PIGK: variants seen among roughly 807,000 people sequenced by gnomAD.
PIGK encodes GPI-anchor transamidase.
PIGK carries 42 observed loss-of-function variants against 50.6 expected under a neutral mutation model. The observed-to-expected ratio is 0.83, with a 90% CI of 0.65 to 1.07. The LOEUF is 1.07. Among genes scored for constraint, PIGK ranks in the 50% least tolerant of loss-of-function variants. The pLI, the probability that PIGK is intolerant of heterozygous loss-of-function variation, is 0.00. For missense variants in PIGK, 448 were observed against 488.7 expected, an observed-to-expected ratio of 0.92 and a Z score of 0.78; for synonymous variants, 151 against 156.0, an observed-to-expected ratio of 0.97 and a Z score of 0.24.
intron 1 of PIGK, among the ~76,000 whole-genome samples, chr1:77,211,003 A>T (rs977851016): frequency 6.6e-6 from 1 of 152,060 alleles, no homozygotes; most frequent in Non-Finnish European, 1.5e-5. Flanking sequence ...AAGAACGTAC[A>T]ATCTGCTTGT....
intron 10 of PIGK, among the ~76,000 whole-genome samples, chr1:77,105,317 C>T (rs1653643440): frequency 6.6e-6 from 1 of 151,862 alleles, no homozygotes; most frequent in South Asian, 2.1e-4. Flanking sequence ...GAAAAGGCAA[C>T]ATTCGATTGG....
intron 8 of PIGK, among the ~76,000 whole-genome samples, chr1:77,155,847 C>T (rs1035937268): frequency 6.6e-6 from 1 of 152,068 alleles, no homozygotes; most frequent in African/African-American, 2.4e-5. Flanking sequence ...AAGGGTAGAG[C>T]GGCTACAATT....
At chr1:77,122,997 T>C (rs977064924) in intron 9 of PIGK, among the ~76,000 whole-genome samples, 3 of 152,178 alleles carry the variant, frequency 2.0e-5, no homozygotes, top group African/African-American at 7.2e-5. Flanking sequence ...GTTTATTGAC[T>C]GAATAATAAA....
At chr1:77,135,571 T>C (rs958118116) in intron 9 of PIGK, among the ~76,000 whole-genome samples, 1 of 152,070 alleles carries the variant, frequency 6.6e-6, no homozygotes, top group Admixed American at 6.5e-5. Context: ...TTATAAACTA[T>C]TATTATTCAC....
intron 2 of PIGK, 26 bp from the exon 3 acceptor site, chr1:77,206,757 T>C (rs1397897831): frequency 1.5e-6 from 2 of 1,350,024 alleles, no homozygotes; most frequent in Non-Finnish European, 2.1e-6. Context: ...AAAAACAGAA[T>C]TTTTATGCAT....
chr1:77,163,200 C>G (rs556382908), intron 6 of PIGK, among the ~76,000 whole-genome samples: 1 of 152,102 alleles, frequency 6.6e-6, no homozygotes, highest in African/African-American at 2.4e-5. Flanking sequence ...TATTTTGTAG[C>G]ATCATTGTAT....
chr1:77,129,026 A>G (rs1654293710), intron 9 of PIGK: 1 of 750,826 alleles, frequency 1.3e-6, no homozygotes, highest in East Asian at 2.5e-5. Context: ...CATATTTACA[A>G]CTGAGACCAT....
chr1:77,146,830 A>G lies in PIGK; in HGVS notation c.986+7619T>C, dbSNP rs12025354. ...AAAGTAAAAGAAAAATTAGCCAGGC[A>G]TGGCAGCTTGAGCTTGTAGTCCCAG... On this transcript the variant is annotated intron_variant, in intron 9 of 10. Coordinates refer to ENST00000370812, the MANE Select transcript of PIGK (RefSeq NM_005482.3). 2.6e-3 allele frequency among the ~76,000 whole-genome samples: 394 copies of G among 152,084 alleles called. 10 individuals carry two copies. In the East Asian group the frequency reaches 0.069, roughly 27 times the overall value.
intron 1 of PIGK, among the ~76,000 whole-genome samples, chr1:77,212,948 G>A (rs954642511): frequency 1.3e-5 from 2 of 152,090 alleles, no homozygotes; most frequent in Non-Finnish European, 2.9e-5. Context: ...TTTTTGAGAT[G>A]GAGTCTCATT....
At chr1:77,188,321 A>T (rs1378639164) in intron 3 of PIGK, among the ~76,000 whole-genome samples, 2 of 152,192 alleles carry the variant, frequency 1.3e-5, no homozygotes, top group African/African-American at 4.8e-5. Flanking sequence ...GTATAGGCTT[A>T]TAAACAGCCC....
intron 9 of PIGK, among the ~76,000 whole-genome samples, chr1:77,146,714 T>C (rs1046755890): frequency 3.3e-5 from 5 of 151,592 alleles, no homozygotes; most frequent in Non-Finnish European, 5.9e-5. Context: ...GGAGAATTGC[T>C]AGAACCCGGG....
chr1:77,159,065 A>G (rs1224926976), intron 8 of PIGK, among the ~76,000 whole-genome samples: 2 of 152,058 alleles, frequency 1.3e-5, no homozygotes, highest in East Asian at 3.9e-4. Flanking sequence ...TGTGGATAAA[A>G]TGATTTTGTG....
In PIGK at chr1:77,118,680, C is replaced by T. The variant is rs191654951; in HGVS notation, c.1071+3595G>A. On this transcript the variant is annotated intron_variant, in intron 10 of 10. Transcript: ENST00000370812. ...GTATTATGATGCAAGAACATAGTATCCCCCTCCAGTAGTTAATCAACTCTC... is the reference window on the plus strand; with the variant it reads ...GTATTATGATGCAAGAACATAGTATTCCCCTCCAGTAGTTAATCAACTCTC... 4.5e-3 allele frequency among the ~76,000 whole-genome samples: 678 copies of T among 152,284 alleles called. 21 individuals are homozygous for T. Among genetic ancestry groups the T allele is most frequent in the Admixed American group, 0.04 (617 of 15,292 alleles).
chr1:77,149,402 A>G (rs1304323133), intron 9 of PIGK, among the ~76,000 whole-genome samples: 2 of 152,126 alleles, frequency 1.3e-5, no homozygotes, highest in Non-Finnish European at 2.9e-5. Context: ...GAACAAATAG[A>G]AAAAGATATT....
At position 77,092,251 on chromosome 1, in the gene PIGK, A is replaced by C; in HGVS notation, c.*123T>G. ...AGTTATAAAATTAATAGTTGATTCA[A>C]ATTTAGTTTCCTTATACTTATTTCC... is the stretch of plus-strand genomic sequence containing the variant. On this transcript the variant is annotated 3_prime_UTR_variant, in exon 11 of 11. Transcript: ENST00000370812. 1.9e-6 allele frequency: 1 copy of C among 525,280 alleles called. No homozygotes were observed. The highest frequency in any genetic ancestry group is 3.4e-6 in the Non-Finnish European group (1 of 295,954). The allele number at this position is 525,280 out of a possible 1,614,324, so 32.5% of individuals were successfully genotyped here. A position where few individuals can be genotyped will look rare whatever the true frequency, so the allele number is the denominator to read the frequency against.
At chr1:77,137,483 T>C (rs1470130556) in intron 9 of PIGK, among the ~76,000 whole-genome samples, 1 of 152,256 alleles carries the variant, frequency 6.6e-6, no homozygotes, top group East Asian at 1.9e-4. Flanking sequence ...TTTACAAATA[T>C]GAAAGTCTAT....
chr1:77,122,416 C>G, intron 9 of PIGK, 57 bp from the exon 10 acceptor site: 2 of 896,020 alleles, frequency 2.2e-6, no homozygotes, highest in Non-Finnish European at 3.6e-6. Flanking sequence ...TGAAATATAG[C>G]AAATATTTAA....
rs774570721 is a variant in PIGK, at chr1:77,129,453, A to C, written c.987-7094T>G. ...GGGTTTAGATGTAGATTCTCTGGTCATTGAGCATATCCAAGTGAACAAAGC... is the reference window on the plus strand; with the variant it reads ...GGGTTTAGATGTAGATTCTCTGGTCCTTGAGCATATCCAAGTGAACAAAGC... On this transcript the variant is annotated intron_variant, in intron 9 of 10. Transcript: ENST00000370812. The C allele has an allele frequency of 1.2e-4, 176 of 1,456,058 alleles. 1 individual carries two copies. Among genetic ancestry groups the C allele is most frequent in the Admixed American group, 1.0e-3 (58 of 57,826 alleles). 90.2% of individuals were successfully genotyped at this position (1,456,058 alleles called of 1,614,324 possible). A position where few individuals can be genotyped will look rare whatever the true frequency, so the allele number is the denominator to read the frequency against.
intron 9 of PIGK, among the ~76,000 whole-genome samples, chr1:77,143,096 C>A (rs1654687373): frequency 6.6e-6 from 1 of 152,020 alleles, no homozygotes; most frequent in Non-Finnish European, 1.5e-5. Context: ...TCTTGTTTTA[C>A]CTAACAGCTA....
Sources: allele counts gnomAD v4.1 joint callset (sites outside exome capture counted in the v4.1 genomes callset), GRCh38; gene constraint gnomAD v4.1.1; transcripts MANE v1.5; gene names NCBI Gene and HGNC (gene_info 2026-07-23, HGNC 2026-07-21).